Variants in COL21A1 observed in about 807,000 individuals in gnomAD.
The protein encoded by COL21A1 is collagen type XXI alpha 1 chain, also known as collagen alpha-1(XXI) chain.
Under a neutral mutation model 137.9 loss-of-function variants are expected in COL21A1, and 149 were observed. That is an observed-to-expected ratio of 1.08 (90% CI 0.95 to 1.24). The LOEUF is 1.24. COL21A1 is among the 50% of genes most tolerant of loss of function. The pLI is 0.00. For synonymous variants in COL21A1, 456 were observed against 391.5 expected, an observed-to-expected ratio of 1.16 and a Z score of -1.95; for missense variants, 1,167 against 1,158.4, an observed-to-expected ratio of 1.01 and a Z score of -0.11.
intron 17 of COL21A1, among the ~76,000 whole-genome samples, chr6:56,095,788 T>C (rs1769260167): frequency 6.6e-6 from 1 of 152,126 alleles, no homozygotes; most frequent in Non-Finnish European, 1.5e-5. Flanking sequence ...TAAGAAGCCA[T>C]CCCTATGCAT....
intron 1 of COL21A1, among the ~76,000 whole-genome samples, chr6:56,219,148 C>T (rs536309499): frequency 1.4e-5 from 2 of 146,692 alleles, no homozygotes; most frequent in South Asian, 2.1e-4. Flanking sequence ...AAACAACCAG[C>T]GACTGCTAGC....
At chr6:56,094,608 G>A (rs543995619) in intron 17 of COL21A1, among the ~76,000 whole-genome samples, 5 of 152,134 alleles carry the variant, frequency 3.3e-5, no homozygotes, top group South Asian at 2.1e-4. Context: ...ACTTACTCCC[G>A]GAAACAAAAT....
chr6:56,088,548 C>CA (rs1554203593), intron 17 of COL21A1, among the ~76,000 whole-genome samples: 8 of 151,986 alleles, frequency 5.3e-5, no homozygotes, highest in South Asian at 2.1e-4. Flanking sequence ...ATTTCCTTTT[C>CA]TTTTTTTTAC....
At chr6:56,101,332 A>G in intron 17 of COL21A1, 140 bp downstream of exon 17, 1 of 703,286 alleles carries the variant, frequency 1.4e-6, no homozygotes, top group South Asian at 1.7e-5. Flanking sequence ...GTGTTTCACA[A>G]GCAGCTTCTA....
intron 1 of COL21A1, among the ~76,000 whole-genome samples, chr6:56,361,679 C>T (rs1320676253): frequency 2.7e-5 from 4 of 146,600 alleles, no homozygotes; most frequent in Admixed American, 7.3e-5. Context: ...AAATTAGGAA[C>T]GAAAGATCCA....
chr6:56,155,553 A>G (rs1775678914), intron 10 of COL21A1, among the ~76,000 whole-genome samples: 2 of 152,168 alleles, frequency 1.3e-5, no homozygotes, highest in South Asian at 4.1e-4. Flanking sequence ...ATCTCAGGAA[A>G]TGCTTCATTT....
chr6:56,197,846 T>G (rs996724296), intron 1 of COL21A1, among the ~76,000 whole-genome samples: 8 of 152,136 alleles, frequency 5.3e-5, no homozygotes, highest in African/African-American at 1.9e-4. Context: ...GTAATTTTAC[T>G]ACTGGAGATG....
chr6:56,346,617 T>A (rs1765603153), intron 1 of COL21A1, among the ~76,000 whole-genome samples: 1 of 152,184 alleles, frequency 6.6e-6, no homozygotes, highest in Admixed American at 6.5e-5. Flanking sequence ...GCCCTCTCGT[T>A]CCTACTTTCA....
intron 1 of COL21A1, among the ~76,000 whole-genome samples, chr6:56,383,436 C>T (rs138283773): frequency 3.3e-5 from 5 of 152,276 alleles, no homozygotes; most frequent in Non-Finnish European, 7.4e-5. Flanking sequence ...TCTTAGGTGA[C>T]TGGATGATCT....
chr6:56,176,454 G>A (rs953021287), intron 3 of COL21A1, among the ~76,000 whole-genome samples: 29 of 150,984 alleles, frequency 1.9e-4, no homozygotes, highest in African/African-American at 6.6e-4. Flanking sequence ...ATTTTATTGA[G>A]GACTTAAATA....
chr6:56,197,913 T>C (rs1779132749), intron 1 of COL21A1, among the ~76,000 whole-genome samples: 2 of 152,092 alleles, frequency 1.3e-5, no homozygotes, highest in South Asian at 4.1e-4. Flanking sequence ...CCATATTCAA[T>C]GCAGCATTAT....
intron 2 of COL21A1, among the ~76,000 whole-genome samples, chr6:56,180,491 T>C (rs1467092515): frequency 6.6e-6 from 1 of 152,208 alleles, no homozygotes. Context: ...CAGTGAATAA[T>C]GTCAGAGCAT....
At chr6:56,151,832 A>G (rs1307814662) in intron 10 of COL21A1, among the ~76,000 whole-genome samples, 1 of 152,124 alleles carries the variant, frequency 6.6e-6, no homozygotes, top group Non-Finnish European at 1.5e-5. Context: ...TTGAACACAT[A>G]CTAATGACCC....
At chr6:56,343,795 T>G (rs1003281562) in intron 1 of COL21A1, among the ~76,000 whole-genome samples, 1 of 152,042 alleles carries the variant, frequency 6.6e-6, no homozygotes, top group South Asian at 2.1e-4. Flanking sequence ...ATTTAAAAAT[T>G]AGCCAGGCGT....
At chr6:56,302,032 T>C (rs1380513419) in intron 1 of COL21A1, among the ~76,000 whole-genome samples, 3 of 152,088 alleles carry the variant, frequency 2.0e-5, no homozygotes, top group African/African-American at 4.8e-5. Context: ...TCCAGCTTCA[T>C]CCATGTCCCT....
chr6:56,305,294 C>T (rs1301334148), intron 1 of COL21A1, among the ~76,000 whole-genome samples: 1 of 152,098 alleles, frequency 6.6e-6, no homozygotes, highest in South Asian at 2.1e-4. Context: ...TCCTTGTCAA[C>T]TTTCTGTCTC....
chr6:56,304,050 G>A (rs1405157343), intron 1 of COL21A1, among the ~76,000 whole-genome samples: 1 of 152,192 alleles, frequency 6.6e-6, no homozygotes, highest in Admixed American at 6.5e-5. Context: ...ATTTGCATAT[G>A]TTGAACCAGC....
chr6:56,225,724 A>G (rs1217914778), intron 1 of COL21A1: 2 of 152,086 alleles, frequency 1.3e-5, no homozygotes, highest in Non-Finnish European at 2.9e-5. Context: ...TTAAAATTTA[A>G]TTACTTTAAA....
intron 13 of COL21A1, among the ~76,000 whole-genome samples, 172 bp from the exon 14 acceptor site, chr6:56,125,792 A>G (rs1422787020): frequency 6.6e-6 from 1 of 152,044 alleles, no homozygotes; most frequent in African/African-American, 2.4e-5. Context: ...CTTTATAAAG[A>G]AAAATTTAAA....
Sources: gnomAD v4.1 joint callset for allele counts (sites outside exome capture counted in the v4.1 genomes callset) on GRCh38, gnomAD v4.1.1 for gene constraint, MANE v1.5 for transcripts, NCBI Gene and HGNC (gene_info 2026-07-23, HGNC 2026-07-21) for gene names.